KRCC1: variants seen among roughly 807,000 people sequenced by gnomAD.
KRCC1 encodes lysine rich coiled-coil 1.
A neutral mutation model predicts 7.4 loss-of-function variants in KRCC1; 3 were observed. That is an observed-to-expected ratio of 0.40 (90% CI 0.18 to 1.04). KRCC1 has a LOEUF of 1.04. KRCC1 is among the 50% of genes least tolerant of loss of function. KRCC1 has a pLI of 0.33. For missense variants in KRCC1, 277 were observed against 300.9 expected, an observed-to-expected ratio of 0.92 and a Z score of 0.59; for synonymous variants, 102 against 101.6, an observed-to-expected ratio of 1.00 and a Z score of -0.02.
chr2:88,044,370 T>C (rs1277893583), intron 1 of KRCC1, among the ~76,000 whole-genome samples: 2 of 148,990 alleles, frequency 1.3e-5, no homozygotes, highest in Non-Finnish European at 3.0e-5. Flanking sequence ...GCCTGGGCAA[T>C]GTACCAAGAC....
intron 3 of KRCC1, among the ~76,000 whole-genome samples, chr2:88,030,628 TA>T (rs934045948): frequency 2.6e-5 from 4 of 152,116 alleles, no homozygotes; most frequent in African/African-American, 9.7e-5. Flanking sequence ...CCAGAATGAT[TA>T]AAATGAAAAA....
intron 1 of KRCC1, among the ~76,000 whole-genome samples, chr2:88,045,875 T>G (rs1673319816): frequency 6.6e-6 from 1 of 152,074 alleles, no homozygotes; most frequent in East Asian, 1.9e-4. Context: ...AGACAGGGTT[T>G]CACCATGTTG....
At chr2:88,040,109 T>C (rs542283354) in intron 1 of KRCC1, among the ~76,000 whole-genome samples, 2 of 152,306 alleles carry the variant, frequency 1.3e-5, no homozygotes, top group Non-Finnish European at 1.5e-5. Flanking sequence ...GCTCAAGATA[T>C]CTTAAAATAG....
chr2:88,042,917 G>T lies in KRCC1; in HGVS notation c.-290-5866C>A, dbSNP rs143947274. Among the ~76,000 whole-genome samples, 252 of 152,210 alleles carry T rather than the reference G, an allele frequency of 1.7e-3. 1 individual carries two copies. The highest frequency in any genetic ancestry group is 5.5e-3 in the African/African-American group (229 of 41,514). On this transcript the variant is annotated intron_variant, in intron 1 of 3. Transcript: ENST00000347055. ...GCATCTAGGATTTATCTATTTATTA[G>T]CAATCTATGGGTTTAATTAGAAAGA...
chr2:88,031,845 A>T (rs1448937819), intron 3 of KRCC1, among the ~76,000 whole-genome samples: 1 of 152,024 alleles, frequency 6.6e-6, no homozygotes, highest in Non-Finnish European at 1.5e-5. Context: ...AAAAATTTTT[A>T]AAAATAAATT....
chr2:88,048,178 G>A (rs1343150923), intron 1 of KRCC1, among the ~76,000 whole-genome samples: 1 of 151,632 alleles, frequency 6.6e-6, no homozygotes, highest in Admixed American at 6.6e-5. Context: ...CACCTCCTGG[G>A]TTCAAGCAAT....
intron 1 of KRCC1, among the ~76,000 whole-genome samples, chr2:88,045,891 G>C (rs1673320163): frequency 1.3e-5 from 2 of 152,010 alleles, no homozygotes; most frequent in African/African-American, 4.8e-5. Context: ...TGTTGGCCAG[G>C]CTGGTCTCAA....
intron 1 of KRCC1, among the ~76,000 whole-genome samples, chr2:88,053,512 T>C (rs1673544211): frequency 6.6e-6 from 1 of 152,200 alleles, no homozygotes; most frequent in Non-Finnish European, 1.5e-5. Flanking sequence ...CAGGCTTATT[T>C]ATTAGTGAGA....
chr2:88,028,173 C>G lies in KRCC1; in HGVS notation c.391G>C (p.Gly131Arg), dbSNP rs74430106. 2 of 1,613,992 alleles carry G rather than the reference C, an allele frequency of 1.2e-6. No homozygotes were observed. Among genetic ancestry groups the G allele is most frequent in the African/African-American group, 2.7e-5 (2 of 74,892 alleles). Residue 131 changes from glycine to arginine, a missense_variant, in exon 4 of 4, where the codon GGT (glycine) becomes CGT (arginine). Coordinates refer to ENST00000347055, the MANE Select transcript of KRCC1 (RefSeq NM_016618.3). ...NQQEYICGSH[G>R]VEHRVYKHFS... ...TGCTTGTAAACTCTATGTTCTACAC[C>G]ATGTGAGCCACAAATATATTCTTGT...
rs60827041 is a variant in KRCC1, at chr2:88,050,924, C to CTTTTTTTTTTTTTTTTTTTT, written c.-291+4701_-291+4702insAAAAAAAAAAAAAAAAAAAA. ...ATGCCTTCTATATCTTCCTTACTTG[C>CTTTTTTTTTTTTTTTTTTTT]TTTTTTTTTTTTTTTTTGAGACAGG... On this transcript the variant is annotated intron_variant, in intron 1 of 3. Coordinates refer to ENST00000347055, the MANE Select transcript of KRCC1 (RefSeq NM_016618.3). Among the ~76,000 whole-genome samples the CTTTTTTTTTTTTTTTTTTTT allele has an allele frequency of 1.6e-5, 2 of 125,384 alleles. 1 individual carries two copies. 82.3% of individuals were successfully genotyped at this position (125,384 alleles called of 152,430 possible).
At chr2:88,043,773 G>A (rs554690116) in intron 1 of KRCC1, among the ~76,000 whole-genome samples, 3 of 152,272 alleles carry the variant, frequency 2.0e-5, no homozygotes, top group East Asian at 1.9e-4. Context: ...GGGTTCAAGC[G>A]GTTCTCCTGC....
intron 1 of KRCC1, among the ~76,000 whole-genome samples, chr2:88,043,667 T>C (rs1315849708): frequency 6.6e-6 from 1 of 152,230 alleles, no homozygotes; most frequent in East Asian, 1.9e-4. Context: ...CAAGCACTTA[T>C]ACATAGTAAC....
chr2:88,042,937 G>C (rs1323018971), intron 1 of KRCC1, among the ~76,000 whole-genome samples: 1 of 152,094 alleles, frequency 6.6e-6, no homozygotes, highest in Non-Finnish European at 1.5e-5. Flanking sequence ...GGTTTAATTA[G>C]AAAGATATTA....
intron 1 of KRCC1, among the ~76,000 whole-genome samples, chr2:88,044,413 A>G (rs998393641): frequency 6.6e-6 from 1 of 151,916 alleles, no homozygotes; most frequent in African/African-American, 2.4e-5. Flanking sequence ...AAAAAAAAAA[A>G]AAAGAAAAAA....
At chr2:88,047,073 T>C (rs756439819) in intron 1 of KRCC1, among the ~76,000 whole-genome samples, 1 of 152,244 alleles carries the variant, frequency 6.6e-6, no homozygotes, top group South Asian at 2.1e-4. Context: ...ACATGACTCA[T>C]AATTCAAAAC....
chr2:88,043,979 G>A (rs948788226), intron 1 of KRCC1, among the ~76,000 whole-genome samples: 4 of 152,068 alleles, frequency 2.6e-5, no homozygotes, highest in Non-Finnish European at 4.4e-5. Flanking sequence ...CCGGCCTCAC[G>A]TTACTAATTT....
At chr2:88,050,513 C>T (rs762452591) in intron 1 of KRCC1, among the ~76,000 whole-genome samples, 29 of 152,068 alleles carry the variant, frequency 1.9e-4, no homozygotes, top group Non-Finnish European at 4.3e-4. Flanking sequence ...ATCCCAGCTA[C>T]GTGGGAGGCA....
chr2:88,046,822 C>T (rs1205375279), intron 1 of KRCC1, among the ~76,000 whole-genome samples: 4 of 152,136 alleles, frequency 2.6e-5, no homozygotes, highest in African/African-American at 9.7e-5. Flanking sequence ...AGGCATCTGC[C>T]ACTAAGCCCA....
chr2:88,045,760 C>T (rs918169349), intron 1 of KRCC1, among the ~76,000 whole-genome samples: 2 of 151,900 alleles, frequency 1.3e-5, no homozygotes, highest in African/African-American at 2.4e-5. Context: ...CTTGGCTCAC[C>T]GCAACCTCTG....
Sources: gnomAD v4.1 joint callset for allele counts (sites outside exome capture counted in the v4.1 genomes callset) on GRCh38, gnomAD v4.1.1 for gene constraint, MANE v1.5 for transcripts, NCBI Gene and HGNC (gene_info 2026-07-23, HGNC 2026-07-21) for gene names.